The following STK32B variants were observed in gnomAD, a reference collection of about 807,000 sequenced individuals.
STK32B encodes the protein serine/threonine-protein kinase 32B.
Under a neutral mutation model 52.6 loss-of-function variants are expected in STK32B, and 43 were observed. The observed-to-expected ratio is 0.82, with a 90% CI of 0.64 to 1.05. The LOEUF (loss-of-function observed/expected upper bound fraction) is 1.05. STK32B is among the 50% of genes least tolerant of loss of function. STK32B has a pLI of 0.00. For synonymous variants in STK32B, 238 were observed against 204.3 expected (o/e 1.17, Z -1.41); for missense variants, 621 against 534.6 (o/e 1.16, Z -1.59).
At chr4:5,369,851 A>G (rs1415082367) in intron 4 of STK32B, among the ~76,000 whole-genome samples, 1 of 152,052 alleles carries the variant, frequency 6.6e-6, no homozygotes, top group Non-Finnish European at 1.5e-5. Flanking sequence ...CAAGGTAGCT[A>G]TCAAAGAGTA....
intron 3 of STK32B, among the ~76,000 whole-genome samples, chr4:5,234,012 C>G (rs1213570003): frequency 2.0e-5 from 3 of 152,054 alleles, no homozygotes; most frequent in African/African-American, 7.2e-5. Context: ...CTTGCCCTGA[C>G]CTGGATCTGC....
chr4:5,054,414 C>A (rs1221867850), intron 1 of STK32B, among the ~76,000 whole-genome samples: 1 of 149,918 alleles, frequency 6.7e-6, no homozygotes, highest in African/African-American at 2.5e-5. Flanking sequence ...GCAGGAGTTA[C>A]CTGGGGGGAA....
intron 11 of STK32B, among the ~76,000 whole-genome samples, chr4:5,488,033 C>T (rs1430645298): frequency 6.6e-6 from 1 of 152,184 alleles, no homozygotes; most frequent in Non-Finnish European, 1.5e-5. Flanking sequence ...GGTCTATAGG[C>T]AGATAACAAG....
chr4:5,107,394 C>T lies in STK32B; in HGVS notation c.53-32511C>T, dbSNP rs553169850. Among the ~76,000 whole-genome samples the T allele has an allele frequency of 7.2e-5, 11 of 152,126 alleles. No homozygotes were observed. In the South Asian group the frequency reaches 1.9e-3, roughly 26 times the overall value. On this transcript the variant is annotated intron_variant, in intron 1 of 11. Coordinates refer to ENST00000282908, the MANE Select transcript of STK32B (RefSeq NM_018401.3). ...TGCATGTAATGTGCTTGAGTCATTC[C>T]GAAATCATCCTCCCCTTCCCCCGTC...
chr4:5,099,432 C>CTGTGTGTGTG (rs746438820), intron 1 of STK32B, among the ~76,000 whole-genome samples: 44 of 138,880 alleles, frequency 3.2e-4, no homozygotes, highest in Admixed American at 8.9e-4. Flanking sequence ...CTGCAGTCCT[C>CTGTGTGTGTG]TGTGTGTGTG....
At chr4:5,194,312 T>C (rs1051454593) in intron 3 of STK32B, among the ~76,000 whole-genome samples, 4 of 152,206 alleles carry the variant, frequency 2.6e-5, no homozygotes, top group Non-Finnish European at 5.9e-5. Flanking sequence ...AATTAGATAT[T>C]TGTACTTGGT....
At chr4:5,244,677 A>G (rs1307482697) in intron 3 of STK32B, among the ~76,000 whole-genome samples, 2 of 152,148 alleles carry the variant, frequency 1.3e-5, no homozygotes, top group Non-Finnish European at 2.9e-5. Context: ...TTAGGGTGTC[A>G]ATTTTAGATC....
chr4:5,092,630 A>G (rs763872535), intron 1 of STK32B, among the ~76,000 whole-genome samples: 22 of 152,176 alleles, frequency 1.4e-4, no homozygotes, highest in Non-Finnish European at 1.0e-4. Flanking sequence ...TCCACGGGAA[A>G]CATAGTGGCT....
intron 2 of STK32B, among the ~76,000 whole-genome samples, chr4:5,140,954 AGATAAT>A: frequency 6.6e-6 from 1 of 152,356 alleles, no homozygotes; most frequent in South Asian, 2.1e-4. Flanking sequence ...ATGGTACATT[AGATAAT>A]GATAAGTACA....
At chr4:5,138,773 G>T (rs1453196890) in intron 1 of STK32B, among the ~76,000 whole-genome samples, 6 of 152,230 alleles carry the variant, frequency 3.9e-5, no homozygotes, top group Non-Finnish European at 8.8e-5. Flanking sequence ...AGTCTGGAGG[G>T]TGAGGGAAGC....
At chr4:5,130,171 C>CGGGGGG (rs1491205357) in intron 1 of STK32B, among the ~76,000 whole-genome samples, 1 of 149,738 alleles carries the variant, frequency 6.7e-6, no homozygotes, top group African/African-American at 2.5e-5. Context: ...CCTTCTCCGG[C>CGGGGGG]GGGGGGAGGC....
chr4:5,333,689 C>A lies in STK32B; in HGVS notation c.434+2296C>A, dbSNP rs532334921. ...GGAAGGGATCCAGTTTCAGCTTTCT[C>A]CATATGGCTAGCCAGTTTTCCCAGC... On this transcript the variant is annotated intron_variant, in intron 4 of 11. Coordinates refer to ENST00000282908, the MANE Select transcript of STK32B (RefSeq NM_018401.3). 6.9e-3 allele frequency among the ~76,000 whole-genome samples: 1,048 copies of A among 152,110 alleles called. 22 individuals are homozygous for A. Among genetic ancestry groups the A allele is most frequent in the African/African-American group, 0.017 (696 of 41,498 alleles).
At chr4:5,102,287 T>C (rs1024430458) in intron 1 of STK32B, among the ~76,000 whole-genome samples, 2 of 152,188 alleles carry the variant, frequency 1.3e-5, no homozygotes, top group Non-Finnish European at 2.9e-5. Context: ...ATGGCCACCA[T>C]GAGCTCCTCT....
chr4:5,430,528 A>C (rs174273), intron 6 of STK32B, among the ~76,000 whole-genome samples: 71,792 of 152,010 alleles, frequency 0.47, 17,665 homozygotes, highest in South Asian at 0.64. Context: ...GTTAGGTCTG[A>C]CATCTAGTTC....
intron 7 of STK32B, among the ~76,000 whole-genome samples, chr4:5,455,058 G>A (rs1369993282): frequency 6.6e-6 from 1 of 152,170 alleles, no homozygotes; most frequent in Non-Finnish European, 1.5e-5. Context: ...AAGAGAGAAG[G>A]TGCCACTCAG....
chr4:5,377,396 CTCTT>C (rs1469585484), intron 4 of STK32B, among the ~76,000 whole-genome samples: 1 of 152,214 alleles, frequency 6.6e-6, no homozygotes, highest in African/African-American at 2.4e-5. Flanking sequence ...ATTCAGGAAA[CTCTT>C]TCTCCATGTC....
intron 3 of STK32B, among the ~76,000 whole-genome samples, chr4:5,264,627 A>AT (rs1169809507): frequency 7.0e-6 from 1 of 142,094 alleles, no homozygotes; most frequent in Non-Finnish European, 1.5e-5. Context: ...TCTACTAAAA[A>AT]TAAAAAAAAA....
At chr4:5,486,062 C>T (rs192814369) in intron 11 of STK32B, among the ~76,000 whole-genome samples, 78 of 152,274 alleles carry the variant, frequency 5.1e-4, no homozygotes, top group Non-Finnish European at 3.5e-4. Context: ...GCAGTCTGTC[C>T]GTTCTCAGAT....
chr4:5,239,328 G>A (rs1577229574), intron 3 of STK32B, among the ~76,000 whole-genome samples: 1 of 152,290 alleles, frequency 6.6e-6, no homozygotes, highest in East Asian at 1.9e-4. Context: ...TCCCAGTGGA[G>A]GGATCTCTAG....
Sources: gnomAD v4.1 joint callset for allele counts (sites outside exome capture counted in the v4.1 genomes callset) on GRCh38, gnomAD v4.1.1 for gene constraint, MANE v1.5 for transcripts, NCBI Gene and HGNC (gene_info 2026-07-23, HGNC 2026-07-21) for gene names.